SI: variants seen among roughly 807,000 people sequenced by gnomAD.
SI encodes the protein sucrase-isomaltase, also known as sucrase-isomaltase, intestinal.
A neutral mutation model predicts 253.3 loss-of-function variants in SI; 235 were observed. The ratio of observed to expected loss-of-function variants is 0.93; its 90% confidence interval spans 0.83 to 1.03. SI has a LOEUF of 1.03. Among genes scored for constraint, SI ranks in the 50% least tolerant of loss-of-function variants. SI has a pLI of 0.00. For missense variants in SI, 2,442 were observed against 2,211.1 expected (o/e 1.10, Z -2.09); for synonymous variants, 819 against 712.0 (o/e 1.15, Z -2.39).
chr3:164,997,585 A>C (rs1234668813), intron 38 of SI, among the ~76,000 whole-genome samples: 1 of 151,510 alleles, frequency 6.6e-6, no homozygotes, highest in Non-Finnish European at 1.5e-5. Context: ...TTATTTTGTC[A>C]CCCAGATAAT....
intron 32 of SI, among the ~76,000 whole-genome samples, chr3:165,015,605 C>T (rs1314277420): frequency 6.6e-6 from 1 of 152,024 alleles, no homozygotes; most frequent in Non-Finnish European, 1.5e-5. Flanking sequence ...ACATCAGAAG[C>T]AATCCCAGAG....
chr3:165,037,984 T>C lies in SI; in HGVS notation c.2342A>G (p.Tyr781Cys), dbSNP rs138275610. ...RPWRKQRVDM[Y>C]LPADKIGLHL... ...TAATCCTATTTTGTCTGCTGGAAGA[T>C]ACATATCAACCCGTTGTTTCCTCCA... The change falls in exon 21 of 48, where the codon TAT becomes TGT. Residue 781 changes from tyrosine (Y) to cysteine (C), a missense_variant. Coordinates refer to ENST00000264382, the MANE Select transcript of SI (RefSeq NM_001041.4). The C allele has an allele frequency of 5.0e-6, 8 of 1,609,180 alleles. No homozygotes were observed. Among genetic ancestry groups the C allele is most frequent in the Middle Eastern group, 1.7e-4 (1 of 6,060 alleles).
chr3:165,053,777 C>A (rs1387519748), intron 13 of SI, among the ~76,000 whole-genome samples: 1 of 151,932 alleles, frequency 6.6e-6, no homozygotes, highest in Non-Finnish European at 1.5e-5. Context: ...ATACTTGTAA[C>A]TTTACCGTAA....
intron 14 of SI, 117 bp from the exon 15 acceptor site, chr3:165,049,361 A>C: frequency 1.4e-6 from 1 of 698,158 alleles, no homozygotes; most frequent in East Asian, 2.7e-5. Context: ...ATATTTGGTT[A>C]AAAACAATGA....
chr3:164,994,264 A>G lies in SI; in HGVS notation c.4834T>C (p.Leu1612=). The G allele has an allele frequency of 6.2e-7, 1 of 1,610,652 alleles. No homozygotes were observed. The highest frequency in any genetic ancestry group is 8.5e-7 in the Non-Finnish European group (1 of 1,177,696). ...AACAAACTTTGTACTTACTCATGCA[A>G]AAGGGGTCGGATAACAGTGCCACCA... ...ANGGTVIRPL[L]HEFFDEKPTW... The change falls in exon 41 of 48, where the codon TTG becomes CTG. Residue 1612 remains leucine, a synonymous_variant. Transcript: ENST00000264382.
chr3:165,060,229 A>C (rs73877399), intron 9 of SI, among the ~76,000 whole-genome samples: 1 of 152,010 alleles, frequency 6.6e-6, no homozygotes, highest in African/African-American at 2.4e-5. Flanking sequence ...TAACAAGTTC[A>C]TGTCTTGTAC....
intron 3 of SI, among the ~76,000 whole-genome samples, chr3:165,070,586 C>T (rs1204263576): frequency 2.0e-5 from 3 of 151,572 alleles, no homozygotes; most frequent in Non-Finnish European, 2.9e-5. Flanking sequence ...TTACAGCAGT[C>T]TCTATGAAAG....
Position 165,016,040 on chromosome 3 carries a change from A to G in SI, c.3800T>C (p.Leu1267Pro). 1 of 1,612,846 alleles carries G rather than the reference A, an allele frequency of 6.2e-7. No homozygotes were observed. Among genetic ancestry groups the G allele is most frequent in the Non-Finnish European group, 8.5e-7 (1 of 1,179,000 alleles). The change falls in exon 32 of 48, where the codon CTA (leucine) becomes CCA (proline). Residue 1267 changes from leucine (L) to proline (P), a missense_variant. Physicochemically the swap from Leu to Pro is moderately conservative, Grantham distance 98. Transcript: ENST00000264382. Reference sequence around the variant, plus strand: ...GAATGCTTCACCAATTGTAAAGTCTAGCTGCCTTTCCATGTAGTCAATGTC... The same window carrying G: ...GAATGCTTCACCAATTGTAAAGTCTGGCTGCCTTTCCATGTAGTCAATGTC... Reference protein sequence around the residue: ...YTDIDYMERQLDFTIGEAFQD... With the variant: ...YTDIDYMERQPDFTIGEAFQD...
rs771548081 is a variant in SI, at chr3:165,067,508, A to T, written c.484-17T>A. 5.7e-6 allele frequency: 9 copies of T among 1,591,680 alleles called. No homozygotes were observed. Among genetic ancestry groups the T allele is most frequent in the Non-Finnish European group, 7.8e-6 (9 of 1,160,396 alleles). The stretch of plus-strand genomic sequence containing the variant: ...ATCAGTAATCTGGAAAGATTTAAGC[A>T]AGGTAGCATTACTGGATTCTAAACT... On this transcript the variant is annotated splice_polypyrimidine_tract_variant and intron_variant, in intron 5 of 47. Transcript: ENST00000264382.
rs186685539 is a variant in SI, at chr3:165,077,188, G to C, written c.1-1176C>G. 2.4e-4 allele frequency among the ~76,000 whole-genome samples: 36 copies of C among 151,390 alleles called. No individual in the cohort carries two copies. In the East Asian group the frequency reaches 6.0e-3, roughly 25 times the overall value. On this transcript the variant is annotated intron_variant, in intron 1 of 47. Coordinates refer to ENST00000264382, the MANE Select transcript of SI (RefSeq NM_001041.4). ...CCCCAGCACCACAGCATAATTTTTAGATAACATATTGCCTTCATACCTGCT... is the reference window on the plus strand; with the variant it reads ...CCCCAGCACCACAGCATAATTTTTACATAACATATTGCCTTCATACCTGCT...
At chr3:165,022,311 C>T (rs1297208799) in intron 26 of SI, among the ~76,000 whole-genome samples, 2 of 151,336 alleles carry the variant, frequency 1.3e-5, no homozygotes, top group Non-Finnish European at 3.0e-5. Flanking sequence ...GCCTTTTTAT[C>T]TGTGGCTTGA....
At chr3:165,023,087 C>G (rs1711711583) in intron 26 of SI, among the ~76,000 whole-genome samples, 1 of 151,368 alleles carries the variant, frequency 6.6e-6, no homozygotes, top group Admixed American at 6.6e-5. Context: ...AATTTTACAT[C>G]TAGTTATTTT....
At chr3:165,049,644 T>A in intron 14 of SI, 147 bp downstream of exon 14, 1 of 615,966 alleles carries the variant, frequency 1.6e-6, no homozygotes. Flanking sequence ...CAGAAAATAT[T>A]TGTCTGAAGA....
At chr3:165,046,458 T>C (rs1462181329) in intron 16 of SI, among the ~76,000 whole-genome samples, 2 of 152,066 alleles carry the variant, frequency 1.3e-5, no homozygotes, top group Admixed American at 6.6e-5. Context: ...TCTTTTAAAA[T>C]CTAAACTGGT....
At chr3:165,029,173 G>GA (rs1188747386) in intron 25 of SI, among the ~76,000 whole-genome samples, 1 of 150,738 alleles carries the variant, frequency 6.6e-6, no homozygotes, top group Non-Finnish European at 1.5e-5. Flanking sequence ...ACAAACATAT[G>GA]AAAAAATGAT....
At chr3:164,985,564 A>T (rs80128012) in intron 45 of SI, among the ~76,000 whole-genome samples, 7,332 of 152,234 alleles carry the variant, frequency 0.048, 598 homozygotes, top group African/African-American at 0.17. Context: ...TGGTTGCAGA[A>T]TATTAACTAT....
rs1203061686 is a variant in SI at position 165,072,129 on chromosome 3, A to T, written c.255+2402T>A. Among the ~76,000 whole-genome samples the T allele has an allele frequency of 2.6e-5, 4 of 152,094 alleles. No homozygotes were observed. In the East Asian group the frequency reaches 7.7e-4, roughly 29 times the overall value. ...ATTTTAACAATCATGATCTATCCTC[A>T]TGTATATGAAAACCTAAGATAAATC... On this transcript the variant is annotated intron_variant, in intron 3 of 47. Transcript: ENST00000264382.
intron 43 of SI, among the ~76,000 whole-genome samples, chr3:164,991,746 C>A (rs955867544): frequency 3.3e-5 from 5 of 151,906 alleles, no homozygotes; most frequent in African/African-American, 1.2e-4. Context: ...AAATATAAGT[C>A]TTTATGATAG....
At chr3:165,047,278 T>C (rs934262373) in intron 15 of SI, among the ~76,000 whole-genome samples, 1 of 151,966 alleles carries the variant, frequency 6.6e-6, no homozygotes, top group East Asian at 1.9e-4. Context: ...TTTAAAGAAA[T>C]AGGAGTTTCC....
Sources: allele counts gnomAD v4.1 joint callset (sites outside exome capture counted in the v4.1 genomes callset), GRCh38; gene constraint gnomAD v4.1.1; transcripts MANE v1.5; gene names NCBI Gene and HGNC (gene_info 2026-07-23, HGNC 2026-07-21).